CRYL1: variants seen among roughly 807,000 people sequenced by gnomAD.
CRYL1 encodes the protein crystallin lambda 1.
Under a neutral mutation model 36.6 loss-of-function variants are expected in CRYL1, and 29 were observed. That is an observed-to-expected ratio of 0.79 (90% confidence interval 0.59 to 1.08). CRYL1 has a LOEUF of 1.08. Among genes scored for constraint, CRYL1 ranks in the 50% least tolerant of loss-of-function variants. The pLI is 0.00. For synonymous variants in CRYL1, 152 were observed against 151.5 expected (o/e 1.00, Z -0.02); for missense variants, 411 against 407.9 (o/e 1.01, Z -0.06).
intron 6 of CRYL1, among the ~76,000 whole-genome samples, chr13:20,411,408 T>C (rs1173481719): frequency 6.6e-6 from 1 of 152,240 alleles, no homozygotes; most frequent in Non-Finnish European, 1.5e-5. Context: ...TTTCTATTTG[T>C]TTGAAAGTCA....
chr13:20,463,348 G>A (rs138424853), intron 3 of CRYL1, among the ~76,000 whole-genome samples: 1 of 152,190 alleles, frequency 6.6e-6, no homozygotes, highest in East Asian at 1.9e-4. Flanking sequence ...CACTATACAT[G>A]CAGGCTTGCA....
intron 4 of CRYL1, 66 bp downstream of exon 4, chr13:20,439,527 A>AAT: frequency 7.4e-6 from 8 of 1,088,200 alleles, no homozygotes; most frequent in South Asian, 1.9e-5. Flanking sequence ...AAAAAAAAAA[A>AAT]AAAGAAAAAA....
At chr13:20,433,934 TCAC>T (rs2137393634) in intron 4 of CRYL1, 1 of 154,366 alleles carries the variant, frequency 6.5e-6, no homozygotes. Context: ...CTCCCTGGTG[TCAC>T]CACCACCAAG....
intron 3 of CRYL1, among the ~76,000 whole-genome samples, chr13:20,456,079 A>G (rs1209117319): frequency 6.6e-6 from 1 of 152,228 alleles, no homozygotes; most frequent in Non-Finnish European, 1.5e-5. Flanking sequence ...TTTCCATGAA[A>G]TTAATTCAGG....
intron 2 of CRYL1, among the ~76,000 whole-genome samples, chr13:20,503,533 G>C (rs2033741403): frequency 6.6e-6 from 1 of 152,206 alleles, no homozygotes; most frequent in Admixed American, 6.5e-5. Context: ...GGAAGCGAAC[G>C]AATCTCAATG....
At chr13:20,488,683 T>C (rs2033448073) in intron 3 of CRYL1, among the ~76,000 whole-genome samples, 1 of 152,244 alleles carries the variant, frequency 6.6e-6, no homozygotes, top group African/African-American at 2.4e-5. Context: ...CTTTTAGCTT[T>C]AGGTAAATTT....
At chr13:20,466,774 G>A (rs1420031078) in intron 3 of CRYL1, among the ~76,000 whole-genome samples, 2 of 151,076 alleles carry the variant, frequency 1.3e-5, no homozygotes, top group African/African-American at 4.9e-5. Context: ...CCCTAACTAT[G>A]CACATGAATG....
chr13:20,413,407 G>A lies in CRYL1; in HGVS notation c.634-20C>T, dbSNP rs374268998. ...TCCTTCCTACGTGGAGAAATTGGGCGGCATAGATGAGTTTTGTAAAAAGAC... is the reference window on the plus strand; with the variant it reads ...TCCTTCCTACGTGGAGAAATTGGGCAGCATAGATGAGTTTTGTAAAAAGAC... On this transcript the variant is annotated intron_variant, in intron 5 of 7. Transcript: ENST00000298248. 4.6e-5 allele frequency: 69 copies of A among 1,506,002 alleles called. No individual in the cohort carries two copies. The highest frequency in any genetic ancestry group is 2.7e-4 in the Admixed American group (15 of 55,974). 93.3% of individuals were successfully genotyped at this position (1,506,002 alleles called of 1,614,324 possible).
chr13:20,405,434 T>C (rs970988164), intron 6 of CRYL1, among the ~76,000 whole-genome samples: 15 of 152,288 alleles, frequency 9.8e-5, no homozygotes, highest in African/African-American at 3.4e-4. Context: ...GTGTACAAGG[T>C]TATTTGTGTA....
At chr13:20,471,682 TC>T (rs1197277753) in intron 3 of CRYL1, among the ~76,000 whole-genome samples, 2 of 152,064 alleles carry the variant, frequency 1.3e-5, no homozygotes, top group Admixed American at 6.5e-5. Flanking sequence ...TTCTAGGTGC[TC>T]CTTCCCACTT....
chr13:20,474,056 G>A (rs557374421), intron 3 of CRYL1, among the ~76,000 whole-genome samples: 10 of 152,278 alleles, frequency 6.6e-5, no homozygotes, highest in African/African-American at 2.4e-4. Context: ...GAAGGGGACA[G>A]ACACTGAATA....
At chr13:20,429,796 C>T (rs2032015300) in intron 5 of CRYL1, among the ~76,000 whole-genome samples, 1 of 152,204 alleles carries the variant, frequency 6.6e-6, no homozygotes, top group African/African-American at 2.4e-5. Flanking sequence ...CCCTAGCGCC[C>T]TGAACCAAGT....
intron 3 of CRYL1, among the ~76,000 whole-genome samples, chr13:20,459,856 G>A (rs1218169693): frequency 6.6e-6 from 1 of 152,028 alleles, no homozygotes; most frequent in African/African-American, 2.4e-5. Context: ...AAAGTTGAAA[G>A]GAAAAAGAAA....
At position 20,415,670 on chromosome 13, in the gene CRYL1, C is replaced by A. The variant is rs1167974503; in HGVS notation, c.634-2283G>T. Among the ~76,000 whole-genome samples the A allele has an allele frequency of 2.6e-5, 4 of 152,232 alleles. No homozygotes were observed. Among genetic ancestry groups the A allele is most frequent in the Admixed American group, 2.0e-4 (3 of 15,288 alleles). On this transcript the variant is annotated intron_variant, in intron 5 of 7. Transcript: ENST00000298248. The surrounding 1 kb of genome is among the most constrained non-coding windows in gnomAD (Gnocchi z 4.1). ...ACAGTCCACGTTTCCAGGAGAATTACAAAGCAAACGCTTGGCCTCGCCTGC... is the reference window on the plus strand; with the variant it reads ...ACAGTCCACGTTTCCAGGAGAATTAAAAAGCAAACGCTTGGCCTCGCCTGC...
At chr13:20,420,302 C>A (rs2031770456) in intron 5 of CRYL1, among the ~76,000 whole-genome samples, 1 of 152,140 alleles carries the variant, frequency 6.6e-6, no homozygotes, top group African/African-American at 2.4e-5. Context: ...CTGCTGGGAA[C>A]AAGCCTACGT....
Position 20,458,987 on chromosome 13 carries a change from G to A in CRYL1, c.277-19233C>T, listed in dbSNP as rs543633294. On this transcript the variant is annotated intron_variant, in intron 3 of 7. Coordinates refer to ENST00000298248, the MANE Select transcript of CRYL1 (RefSeq NM_015974.3). The stretch of plus-strand genomic sequence containing the variant: ...TTCAGCCACCACGCCTGTAATCCCA[G>A]CACTTTGGGAGGCCGAGGCGGGCGG... Among the ~76,000 whole-genome samples the A allele has an allele frequency of 9.8e-5, 15 of 152,334 alleles. No individual in the cohort carries two copies. The East Asian group carries it at 2.5e-3, about 25-fold the overall frequency.
At chr13:20,464,674 T>C (rs1389220313) in intron 3 of CRYL1, among the ~76,000 whole-genome samples, 1 of 152,224 alleles carries the variant, frequency 6.6e-6, no homozygotes, top group East Asian at 1.9e-4. Flanking sequence ...CTTCTTCATT[T>C]GTAGCAGTTA....
intron 3 of CRYL1, among the ~76,000 whole-genome samples, chr13:20,477,248 A>G (rs2033185223): frequency 6.6e-6 from 1 of 151,894 alleles, no homozygotes; most frequent in South Asian, 2.1e-4. Context: ...GGATCGCTTG[A>G]GCCCAGGAGT....
At chr13:20,461,950 GGGA>G (rs2032828516) in intron 3 of CRYL1, among the ~76,000 whole-genome samples, 1 of 148,296 alleles carries the variant, frequency 6.7e-6, no homozygotes, top group Non-Finnish European at 1.5e-5. Context: ...GGGATGGGGT[GGGA>G]GGAGGAGGTG....
Sources: allele counts gnomAD v4.1 joint callset (sites outside exome capture counted in the v4.1 genomes callset), GRCh38; gene constraint gnomAD v4.1.1; non-coding constraint Gnocchi (gnomAD v3.1); transcripts MANE v1.5; gene names NCBI Gene and HGNC (gene_info 2026-07-23, HGNC 2026-07-21).